Variants in FXR2 observed in about 807,000 individuals in gnomAD.
FXR2 encodes FMR1 autosomal homolog 2.
FXR2 carries 9 observed loss-of-function variants against 87.3 expected under a neutral mutation model. That is an observed-to-expected ratio of 0.10 (90% CI 0.06 to 0.18). The LOEUF is 0.18. Ranked by LOEUF, FXR2 falls within the 10% of genes least tolerant of loss-of-function variation. FXR2 has a pLI of 1.00. For missense variants in FXR2, 661 were observed against 893.6 expected (o/e 0.74, Z 3.32); for synonymous variants, 331 against 328.3 (o/e 1.01, Z -0.09).
chr17:7,591,480 C>T lies in FXR2; in HGVS notation c.*350G>A, dbSNP rs2071659154. The T allele has an allele frequency of 7.2e-6, 2 of 279,518 alleles. No individual in the cohort carries two copies. Among genetic ancestry groups the T allele is most frequent in the Non-Finnish European group, 1.4e-5 (2 of 142,842 alleles). 17.3% of individuals were successfully genotyped at this position (279,518 alleles called of 1,614,324 possible). A position where few individuals can be genotyped will look rare whatever the true frequency, so the allele number is the denominator to read the frequency against. Reference sequence around the variant, plus strand: ...ATGGGAGGAGGGATAGCAGGGGAGGCCCCCTGAACGGTCAAATCTGGGTGG... The same window carrying T: ...ATGGGAGGAGGGATAGCAGGGGAGGTCCCCTGAACGGTCAAATCTGGGTGG... On this transcript the variant is annotated 3_prime_UTR_variant, in exon 17 of 17. Transcript: ENST00000250113. This position sits in a 1 kb window ranked among gnomAD's most constrained non-coding sequence, Gnocchi z 4.0.
At chr17:7,614,321 G>A in intron 1 of FXR2, 131 bp downstream of exon 1, 1 of 723,730 alleles carries the variant, frequency 1.4e-6, no homozygotes, top group South Asian at 1.7e-5. Context: ...GAAGGCTGCG[G>A]GTTGGAGCAA....
Position 7,593,792 on chromosome 17 carries a change from A to G in FXR2, c.1107+126T>C. Reference sequence around the variant, plus strand: ...TCTGGGACCCAACCCTATAGCCCCAAATTTCCACAGATGTTTTCTGTTCTA... The same window carrying G: ...TCTGGGACCCAACCCTATAGCCCCAGATTTCCACAGATGTTTTCTGTTCTA... On this transcript the variant is annotated intron_variant, in intron 11 of 16. Coordinates refer to ENST00000250113, the MANE Select transcript of FXR2 (RefSeq NM_004860.4). This position sits in a 1 kb window ranked among gnomAD's most constrained non-coding sequence, Gnocchi z 6.1. 1.2e-6 allele frequency: 1 copy of G among 815,832 alleles called. No homozygotes were observed. Among genetic ancestry groups the G allele is most frequent in the Non-Finnish European group, 2.0e-6 (1 of 495,464 alleles). The allele number at this position is 815,832 out of a possible 1,614,324, so 50.5% of individuals were successfully genotyped here.
intron 1 of FXR2, among the ~76,000 whole-genome samples, chr17:7,609,979 CAT>C (rs56863633): frequency 0.021 from 988 of 47,320 alleles, 11 homozygotes; most frequent in East Asian, 0.026. Flanking sequence ...TATATGTATA[CAT>C]ATATATATAC....
chr17:7,597,907 A>G (rs1157871508), intron 7 of FXR2, among the ~76,000 whole-genome samples: 1 of 150,486 alleles, frequency 6.6e-6, no homozygotes, highest in Non-Finnish European at 1.5e-5. Context: ...AACACACATC[A>G]CTGGAGATTC....
At chr17:7,606,181 A>G in intron 1 of FXR2, 32 bp from the exon 2 acceptor site, 1 of 1,425,160 alleles carries the variant, frequency 7.0e-7, no homozygotes, top group Non-Finnish European at 9.7e-7. Context: ...AGCAAAAAAA[A>G]TAAAATGACC....
In FXR2 at chr17:7,593,859, C is replaced by G; in HGVS notation, c.1107+59G>C. ...GAGAACCAAAATCCCTGAGCTGACC[C>G]CCACAGCAGTCTTAGTTCCCTTTTC... On this transcript the variant is annotated intron_variant, in intron 11 of 16. Coordinates refer to ENST00000250113, the MANE Select transcript of FXR2 (RefSeq NM_004860.4). This position sits in a 1 kb window ranked among gnomAD's most constrained non-coding sequence, Gnocchi z 6.1. 2 of 1,091,536 alleles carry G rather than the reference C, an allele frequency of 1.8e-6. No individual in the cohort carries two copies. Among genetic ancestry groups the G allele is most frequent in the Non-Finnish European group, 2.8e-6 (2 of 704,302 alleles). The allele number at this position is 1,091,536 out of a possible 1,614,324, so 67.6% of individuals were successfully genotyped here. A position where few individuals can be genotyped will look rare whatever the true frequency, so the allele number is the denominator to read the frequency against.
In FXR2 at chr17:7,614,805, G is replaced by A. The variant is rs2071933070; in HGVS notation, c.-273C>T. On this transcript the variant is annotated 5_prime_UTR_variant, in exon 1 of 17. Coordinates refer to ENST00000250113, the MANE Select transcript of FXR2 (RefSeq NM_004860.4). ...GCCTTCGTCACCTCAGCTTCCGCCC[G>A]CCGCCGCCCCCGCTGCTGCCTCAGT... is the stretch of plus-strand genomic sequence containing the variant. 1 of 190,896 alleles carries A rather than the reference G, an allele frequency of 5.2e-6. No homozygotes were observed. The highest frequency in any genetic ancestry group is 1.1e-5 in the Non-Finnish European group (1 of 94,506). The allele number at this position is 190,896 out of a possible 1,614,324, so 11.8% of individuals were successfully genotyped here.
intron 1 of FXR2, among the ~76,000 whole-genome samples, chr17:7,609,381 T>C (rs938709218): frequency 3.9e-5 from 6 of 152,160 alleles, no homozygotes; most frequent in African/African-American, 1.4e-4. Flanking sequence ...GGATATGTCT[T>C]GCTATAGAGG....
At position 7,592,092 on chromosome 17, in the gene FXR2, CCA is replaced by C; in HGVS notation, c.1926+160_1926+161del. The C allele has an allele frequency of 6.9e-7, 1 of 1,456,006 alleles. No individual in the cohort carries two copies. The highest frequency in any genetic ancestry group is 9.1e-7 in the Non-Finnish European group (1 of 1,101,402). The allele number at this position is 1,456,006 out of a possible 1,614,324, so 90.2% of individuals were successfully genotyped here. A position where few individuals can be genotyped will look rare whatever the true frequency, so the allele number is the denominator to read the frequency against. On this transcript the variant is annotated intron_variant, in intron 16 of 16. Coordinates refer to ENST00000250113, the MANE Select transcript of FXR2 (RefSeq NM_004860.4). This position sits in a 1 kb window ranked among gnomAD's most constrained non-coding sequence, Gnocchi z 4.8. ...TTACTTGGGATCCAGAAAATGTGAA[CCA>C]CACTTTCTTCTCTATCCTATTCAAA...
At chr17:7,614,402 C>T in intron 1 of FXR2, 50 bp downstream of exon 1, 1 of 1,352,678 alleles carries the variant, frequency 7.4e-7, no homozygotes, top group Non-Finnish European at 1.0e-6. Context: ...CCTGCTCCGG[C>T]CAGGGGAGGG....
At chr17:7,609,963 T>C (rs1212290952) in intron 1 of FXR2, among the ~76,000 whole-genome samples, 1 of 108,528 alleles carries the variant, frequency 9.2e-6, no homozygotes, top group African/African-American at 2.8e-5. Context: ...TACATATATA[T>C]ACATGTATAT....
In FXR2 at chr17:7,593,085, C is replaced by T. The variant is rs1310981992; in HGVS notation, c.1427G>A (p.Arg476Gln). The T allele has an allele frequency of 4.4e-6, 7 of 1,593,040 alleles. No homozygotes were observed. The highest frequency in any genetic ancestry group is 4.5e-5 in the East Asian group (2 of 44,666). ...AGPGDRDPPTRGEESRRRPTG... is the reference protein window; with the variant it reads ...AGPGDRDPPTQGEESRRRPTG... Reference sequence around the variant, plus strand: ...CGGCCGCCTCCGGCTTTCTTCCCCTCGGGTTGGGGGATCCCTGTCGCCAGG... The same window carrying T: ...CGGCCGCCTCCGGCTTTCTTCCCCTTGGGTTGGGGGATCCCTGTCGCCAGG... The change falls in exon 13 of 17, where the codon CGA becomes CAA. Residue 476 changes from arginine to glutamine, a missense_variant. Arg to Gln is a conservative substitution (Grantham distance 43, BLOSUM62 1). This residue lies in a region of FXR2 where 409 missense variants were observed against 432.0 expected (regional missense o/e 0.95). Coordinates refer to ENST00000250113, the MANE Select transcript of FXR2 (RefSeq NM_004860.4). This position sits in a 1 kb window ranked among gnomAD's most constrained non-coding sequence, Gnocchi z 6.1.
In FXR2 at chr17:7,593,469, T is replaced by C. The variant is rs2071683665; in HGVS notation, c.1264A>G (p.Thr422Ala). 6.3e-7 allele frequency: 1 copy of C among 1,589,670 alleles called. No individual in the cohort carries two copies. Among genetic ancestry groups the C allele is most frequent in the South Asian group, 1.1e-5 (1 of 87,258 alleles). Reference sequence around the variant, plus strand: ...CCATAGCTGCCCCCATAGGTTCGAGTCGCATGGAGGGAGGAGGAGGAGCTC... The same window carrying C: ...CCATAGCTGCCCCCATAGGTTCGAGCCGCATGGAGGGAGGAGGAGGAGCTC... ...DESSSSSLHATRTYGGSYGGR... is the reference protein window; with the variant it reads ...DESSSSSLHAARTYGGSYGGR... Residue 422 changes from threonine (T) to alanine (A), a missense_variant, in exon 12 of 17, where the codon ACT (threonine) becomes GCT (alanine). Transcript: ENST00000250113. The surrounding 1 kb of genome is among the most constrained non-coding windows in gnomAD (Gnocchi z 6.1).
chr17:7,601,513 C>T lies in FXR2; in HGVS notation c.556G>A (p.Ala186Thr), dbSNP rs750780667. Residue 186 changes from alanine (A) to threonine (T), a missense_variant, in exon 7 of 17, where the codon GCC becomes ACC. Around this residue, in one of 3 missense-constraint regions of FXR2, gnomAD observed 170 missense variants for 247.2 expected, o/e 0.69. Coordinates refer to ENST00000250113, the MANE Select transcript of FXR2 (RefSeq NM_004860.4). Reference protein sequence around the residue: ...SELFILSTTEAPVKRASLLGD... With the variant: ...SELFILSTTETPVKRASLLGD... ...AGCAGAGATGCTCGCTTCACAGGGG[C>T]TTCTGTGGTTGACTGGGAGGAAACC... is the stretch of plus-strand genomic sequence containing the variant. 3 of 1,608,508 alleles carry T rather than the reference C, an allele frequency of 1.9e-6. No homozygotes were observed. Among genetic ancestry groups the T allele is most frequent in the Non-Finnish European group, 2.6e-6 (3 of 1,175,430 alleles).
chr17:7,591,822 T>G lies in FXR2; in HGVS notation c.*8A>C. 1 of 1,426,908 alleles carries G rather than the reference T, an allele frequency of 7.0e-7. No homozygotes were observed. The highest frequency in any genetic ancestry group is 1.1e-5 in the South Asian group (1 of 87,458). 88.4% of individuals were successfully genotyped at this position (1,426,908 alleles called of 1,614,324 possible). A position where few individuals can be genotyped will look rare whatever the true frequency, so the allele number is the denominator to read the frequency against. On this transcript the variant is annotated 3_prime_UTR_variant, in exon 17 of 17. Coordinates refer to ENST00000250113, the MANE Select transcript of FXR2 (RefSeq NM_004860.4). The surrounding 1 kb of genome is among the most constrained non-coding windows in gnomAD (Gnocchi z 4.0). ...AGATGGAGAAGGGAGGGGTGCAGGT[T>G]GGAGGTTTTATGAAACCCCATTCAC...
chr17:7,607,670 C>A (rs1324693069), intron 1 of FXR2, among the ~76,000 whole-genome samples: 1 of 152,108 alleles, frequency 6.6e-6, no homozygotes, highest in Admixed American at 6.5e-5. Context: ...CTCAGGTGAT[C>A]CATCTGCCTC....
At chr17:7,600,976 T>C (rs2071750574) in intron 7 of FXR2, among the ~76,000 whole-genome samples, 1 of 151,048 alleles carries the variant, frequency 6.6e-6, no homozygotes, top group Non-Finnish European at 1.5e-5. Flanking sequence ...GGCCAGGAGT[T>C]CGAGGCCAGC....
rs549411380 is a variant in FXR2 at position 7,606,154 on chromosome 17, A to G, written c.82-5T>C. On this transcript the variant is annotated splice_polypyrimidine_tract_variant and splice_region_variant and intron_variant, in intron 1 of 16. Coordinates refer to ENST00000250113, the MANE Select transcript of FXR2 (RefSeq NM_004860.4). ...ATGGACATCCTTCACAAAGCCCTAG[A>G]ATGGATTTTAGAAAAAAGCAAAAAA... 18 of 1,540,022 alleles carry G rather than the reference A, an allele frequency of 1.2e-5. No individual in the cohort carries two copies. The African/African-American group carries it at 2.1e-4, about 18-fold the overall frequency.
rs1312939997 is a variant in FXR2, at chr17:7,593,360, A to C, written c.1330+43T>G. The C allele has an allele frequency of 2.1e-6, 3 of 1,444,976 alleles. No homozygotes were observed. The highest frequency in any genetic ancestry group is 1.9e-4 in the Middle Eastern group (1 of 5,238). The allele number at this position is 1,444,976 out of a possible 1,614,324, so 89.5% of individuals were successfully genotyped here. ...CATCCAGACCTCTGCCTCTACCCAC[A>C]AGCCCTGCCACTCCTTGCCTCCTGT... On this transcript the variant is annotated intron_variant, in intron 12 of 16. Transcript: ENST00000250113. The surrounding 1 kb of genome is among the most constrained non-coding windows in gnomAD (Gnocchi z 6.1).
Sources: allele counts gnomAD v4.1 joint callset (sites outside exome capture counted in the v4.1 genomes callset), GRCh38; gene constraint gnomAD v4.1.1; regional missense constraint gnomAD v4.1.1; non-coding constraint Gnocchi (gnomAD v3.1); transcripts MANE v1.5; gene names NCBI Gene and HGNC (gene_info 2026-07-23, HGNC 2026-07-21).